HYDIN: variants seen among roughly 807,000 people sequenced by gnomAD.
The protein encoded by HYDIN is HYDIN axonemal central pair apparatus protein.
Under a neutral mutation model 403.9 loss-of-function variants are expected in HYDIN, and 132 were observed. The ratio of observed to expected loss-of-function variants is 0.33; its 90% CI spans 0.28 to 0.38. The LOEUF is 0.38. Ranked by LOEUF, HYDIN falls within the 10% of genes least tolerant of loss-of-function variation. The pLI, the probability that HYDIN is intolerant of heterozygous loss-of-function variation, is 1.00. For synonymous variants in HYDIN, 1,202 were observed against 1,891.7 expected (o/e 0.64, Z 9.46); for missense variants, 2,827 against 5,009.5 (o/e 0.56, Z 13.15).
At chr16:70,924,884 T>A (rs1385289752) in intron 45 of HYDIN, among the ~76,000 whole-genome samples, 1 of 127,370 alleles carries the variant, frequency 7.9e-6, no homozygotes, top group Non-Finnish European at 1.7e-5. Context: ...TGGGATGATC[T>A]GTGCAGCAAA....
rs1379239075 is a variant in HYDIN, at chr16:70,894,489, G to C, written c.9208C>G (p.Leu3070Val). The C allele has an allele frequency of 4.4e-6, 7 of 1,603,186 alleles. No individual in the cohort carries two copies. The East Asian group carries it at 1.6e-4, about 36-fold the overall frequency. The change falls in exon 55 of 86, where the codon CTG becomes GTG. Residue 3070 changes from leucine to valine, a missense_variant. Leu to Val is a conservative substitution (Grantham distance 32, BLOSUM62 1). Coordinates refer to ENST00000393567, the MANE Select transcript of HYDIN (RefSeq NM_001270974.2). ...TATTTCCCACGGTTCTTCAATTGCA[G>C]GGGCTGCTTCGCCTCCTCTGTGACC... ...VRVTEEAKQP[L>V]QLKNRGKYEI...
chr16:71,004,859 T>TA (rs2079845805), intron 23 of HYDIN, among the ~76,000 whole-genome samples: 1 of 151,936 alleles, frequency 6.6e-6, no homozygotes, highest in Admixed American at 6.6e-5. Context: ...AGCGGGTTCT[T>TA]AAAAATGGGG....
intron 23 of HYDIN, among the ~76,000 whole-genome samples, chr16:71,010,035 G>C (rs1330156370): frequency 1.6e-5 from 2 of 126,300 alleles, no homozygotes; most frequent in Non-Finnish European, 3.2e-5. Context: ...CTAGGGGGAG[G>C]GACCCATTCC....
intron 58 of HYDIN, among the ~76,000 whole-genome samples, chr16:70,886,923 A>G (rs1314689821): frequency 6.6e-6 from 1 of 151,940 alleles, no homozygotes; most frequent in African/African-American, 2.4e-5. Flanking sequence ...TTGAGTCTGT[A>G]GGTTTACATC....
intron 15 of HYDIN, among the ~76,000 whole-genome samples, chr16:71,065,782 G>A (rs1383955610): frequency 6.6e-6 from 1 of 152,224 alleles, no homozygotes; most frequent in Admixed American, 6.5e-5. Flanking sequence ...GAGGGAGTGA[G>A]CCTGTGGCAG....
chr16:70,934,511 C>T (rs557375168), intron 45 of HYDIN, among the ~76,000 whole-genome samples: 1 of 152,220 alleles, frequency 6.6e-6, no homozygotes, highest in East Asian at 1.9e-4. Flanking sequence ...GGCACTCCCC[C>T]TGGAATTTTC....
At chr16:71,227,276 A>G (rs919547396) in intron 1 of HYDIN, among the ~76,000 whole-genome samples, 3 of 152,256 alleles carry the variant, frequency 2.0e-5, no homozygotes, top group African/African-American at 7.2e-5. Flanking sequence ...ATTCAACATC[A>G]TTAATCACCA....
At position 70,970,708 on chromosome 16, in the gene HYDIN, G is replaced by A; in HGVS notation, c.5431C>T (p.Leu1811Phe). 1 of 1,537,016 alleles carries A rather than the reference G, an allele frequency of 6.5e-7. No individual in the cohort carries two copies. ...VFQIAQSAQKLTLLARGQGLE... is the reference protein window; with the variant it reads ...VFQIAQSAQKFTLLARGQGLE... ...CCTTGCCCACGTGCCAGGAGGGTAA[G>A]CTTTTGAGCACTCTGGGCAATCTGA... The change falls in exon 36 of 86, where the codon CTT (leucine) becomes TTT (phenylalanine). Residue 1811 changes from leucine to phenylalanine, a missense_variant. Physicochemically the swap from Leu to Phe is conservative, Grantham distance 22 (BLOSUM62 0). Transcript: ENST00000393567.
chr16:70,967,542 C>G (rs1257559945), intron 36 of HYDIN, among the ~76,000 whole-genome samples: 1 of 151,656 alleles, frequency 6.6e-6, no homozygotes, highest in African/African-American at 2.4e-5. Flanking sequence ...AGTGCAGTGG[C>G]GCGATCACAG....
In HYDIN at chr16:70,955,380, T is replaced by G. The variant is rs2078201206; in HGVS notation, c.6311A>C (p.Glu2104Ala). ...CCAAGAGAATGGGCTCTTACCAGCC[T>G]CCTCTCCTTCCTTCACGGACTGCTC... is the stretch of plus-strand genomic sequence containing the variant. The part of the protein sequence containing the change: ...AIEQSVKEGE[E>A]AAQEAAVGQN... The change falls in exon 40 of 86, where the codon GAG becomes GCG. Residue 2104 changes from glutamate (E) to alanine (A), a missense_variant. By Grantham distance (107) the Glu-to-Ala change is moderately radical. Transcript: ENST00000393567. 10 of 1,593,976 alleles carry G rather than the reference T, an allele frequency of 6.3e-6. No homozygotes were observed. The highest frequency in any genetic ancestry group is 8.5e-6 in the Non-Finnish European group (10 of 1,173,588).
chr16:71,070,725 C>T (rs1455527699), intron 13 of HYDIN, among the ~76,000 whole-genome samples: 2 of 131,656 alleles, frequency 1.5e-5, no homozygotes, highest in Non-Finnish European at 3.1e-5. Flanking sequence ...AACAAAAATG[C>T]ATATTTCTAC....
At chr16:71,203,811 C>T in intron 1 of HYDIN, 1 of 455,722 alleles carries the variant, frequency 2.2e-6, no homozygotes, top group Non-Finnish European at 4.4e-6. Context: ...GAAAATAGTT[C>T]CCCAGCACAT....
intron 23 of HYDIN, among the ~76,000 whole-genome samples, chr16:71,009,531 T>C (rs1209666672): frequency 6.6e-6 from 1 of 151,966 alleles, no homozygotes; most frequent in East Asian, 1.9e-4. Flanking sequence ...AGGCTCTGAA[T>C]AGGTTGGATA....
intron 38 of HYDIN, 39 bp from the exon 39 acceptor site, chr16:70,959,859 G>T (rs774295669): frequency 1.7e-6 from 1 of 580,950 alleles, no homozygotes; most frequent in Non-Finnish European, 3.0e-6. Context: ...CACATGGCAT[G>T]CATGCTACAC....
intron 12 of HYDIN, among the ~76,000 whole-genome samples, chr16:71,087,188 T>C (rs1469165043): frequency 6.6e-6 from 1 of 152,190 alleles, no homozygotes; most frequent in Non-Finnish European, 1.5e-5. Context: ...GGCACACACG[T>C]TCACTCTCCT....
Position 70,943,921 on chromosome 16 carries a change from G to C in HYDIN, c.6560C>G (p.Pro2187Arg). ...ACTAACACTGAGCCAGCGGTGGATGGGCCCCGGGGGGAGAGGGCTGGAGGA... is the reference window on the plus strand; with the variant it reads ...ACTAACACTGAGCCAGCGGTGGATGCGCCCCGGGGGGAGAGGGCTGGAGGA... ...QISSSPLPPG[P>R]IHRWLSVSPS... The change falls in exon 42 of 86, where the codon CCC becomes CGC. Residue 2187 changes from proline to arginine, a missense_variant. Transcript: ENST00000393567. 6.2e-7 allele frequency: 1 copy of C among 1,612,324 alleles called. No individual in the cohort carries two copies. Among genetic ancestry groups the C allele is most frequent in the Non-Finnish European group, 8.5e-7 (1 of 1,179,414 alleles).
At chr16:71,019,601 T>C (rs1384479116) in intron 22 of HYDIN, among the ~76,000 whole-genome samples, 1 of 152,300 alleles carries the variant, frequency 6.6e-6, no homozygotes, top group Non-Finnish European at 1.5e-5. Context: ...TTAAATGTTT[T>C]GAAGATTGAC....
chr16:70,803,013 C>T lies in HYDIN; in HGVS notation c.*4567G>A, dbSNP rs1438156603. Among the ~76,000 whole-genome samples the T allele has an allele frequency of 1.3e-5, 2 of 152,166 alleles. No homozygotes were observed. The highest frequency in any genetic ancestry group is 2.9e-5 in the Non-Finnish European group (2 of 68,020). ...GTAAATCAATGGGAATGATTTGGTT[C>T]TATTTCTCCAATGTGTGTGCATTTC... On this transcript the variant is annotated 3_prime_UTR_variant, in exon 86 of 86. Coordinates refer to ENST00000393567, the MANE Select transcript of HYDIN (RefSeq NM_001270974.2).
chr16:70,834,981 T>C (rs2037306103), intron 78 of HYDIN, among the ~76,000 whole-genome samples: 1 of 121,782 alleles, frequency 8.2e-6, no homozygotes, highest in African/African-American at 5.9e-5. Context: ...TGTGTGTATA[T>C]ATATATATAT....
Sources: allele counts gnomAD v4.1 joint callset (sites outside exome capture counted in the v4.1 genomes callset), GRCh38; gene constraint gnomAD v4.1.1; transcripts MANE v1.5; gene names NCBI Gene and HGNC (gene_info 2026-07-23, HGNC 2026-07-21).